The following LYPLAL1 variants were observed in gnomAD, a reference collection of about 807,000 sequenced individuals.
LYPLAL1 encodes the protein lysophospholipase like 1, also known as lysophospholipase-like protein 1.
LYPLAL1 carries 23 observed loss-of-function variants against 19.7 expected under a neutral mutation model. That is an observed-to-expected ratio of 1.17 (90% confidence interval 0.84 to 1.65). The LOEUF is 1.65. Ranked by LOEUF, LYPLAL1 falls within the 40% of genes most tolerant of loss-of-function variation. The probability of loss-of-function intolerance (pLI) is 0.00; values close to 1 mark genes in which losing one functional copy is unlikely to be tolerated. For synonymous variants in LYPLAL1, 119 were observed against 96.3 expected (o/e 1.24, Z -1.38); for missense variants, 355 against 279.4 (o/e 1.27, Z -1.93).
chr1:219,200,655 G>A (rs775132543), intron 3 of LYPLAL1: 98 of 225,092 alleles, frequency 4.4e-4, no homozygotes, highest in Middle Eastern at 2.4e-3. Context: ...CTGATGCCAC[G>A]ATCTGTCAAA....
chr1:219,178,009 T>A (rs144823303), intron 1 of LYPLAL1, among the ~76,000 whole-genome samples: 1 of 152,168 alleles, frequency 6.6e-6, no homozygotes, highest in Non-Finnish European at 1.5e-5. Context: ...CTGGGATACT[T>A]TTTTCTTCTG....
the LYPLAL1 span, among the ~76,000 whole-genome samples, chr1:219,350,533 A>G: frequency 1.3e-5 from 2 of 152,236 alleles, no homozygotes; most frequent in African/African-American, 4.8e-5. Flanking sequence ...GAATATCTAC[A>G]TTTCACTGGG....
chr1:219,375,168 T>C, the LYPLAL1 span, among the ~76,000 whole-genome samples: 2 of 152,058 alleles, frequency 1.3e-5, no homozygotes, highest in African/African-American at 4.8e-5. Flanking sequence ...AAAGCATTAC[T>C]TTGGTACGGC....
At chr1:219,225,818 C>T in the LYPLAL1 span, among the ~76,000 whole-genome samples, 1 of 152,310 alleles carries the variant, frequency 6.6e-6, no homozygotes, top group East Asian at 1.9e-4. Context: ...TGCCTCTCGT[C>T]TCCCATGTTA....
rs375844255 is a variant in LYPLAL1, at chr1:219,188,109, G to A, written c.192-4973G>A. 2.1e-3 allele frequency among the ~76,000 whole-genome samples: 318 copies of A among 151,868 alleles called. 2 individuals carry two copies. The highest frequency in any genetic ancestry group is 6.7e-3 in the African/African-American group (276 of 41,492). ...TTCCCAAGTGGCACAAATGATTACTGAAATTTATTCAGCAAATATTTAGCA... is the reference window on the plus strand; with the variant it reads ...TTCCCAAGTGGCACAAATGATTACTAAAATTTATTCAGCAAATATTTAGCA... On this transcript the variant is annotated intron_variant, in intron 2 of 4. Transcript: ENST00000366928.
intron 3 of LYPLAL1, among the ~76,000 whole-genome samples, chr1:219,197,798 T>G (rs750661148): frequency 4.6e-5 from 7 of 151,956 alleles, no homozygotes; most frequent in Non-Finnish European, 8.8e-5. Flanking sequence ...AAAACCCCAT[T>G]AAAAGGTGGG....
the LYPLAL1 span, among the ~76,000 whole-genome samples, chr1:219,440,000 T>C: frequency 0.015 from 1,598 of 103,306 alleles, 34 homozygotes; most frequent in African/African-American, 0.053. Context: ...TACACACATA[T>C]ATATATATAT....
At chr1:219,313,480 A>G in the LYPLAL1 span, among the ~76,000 whole-genome samples, 1 of 152,040 alleles carries the variant, frequency 6.6e-6, no homozygotes, top group African/African-American at 2.4e-5. Context: ...ATTCAAAAAT[A>G]AATTTTTATA....
the LYPLAL1 span, among the ~76,000 whole-genome samples, chr1:219,380,524 C>T: frequency 3.1e-4 from 47 of 152,310 alleles, no homozygotes; most frequent in African/African-American, 1.0e-3. Flanking sequence ...CAGCCTGGTG[C>T]TGGATTCGAA....
the LYPLAL1 span, among the ~76,000 whole-genome samples, chr1:219,280,867 A>G: frequency 6.6e-5 from 10 of 152,150 alleles, no homozygotes; most frequent in Non-Finnish European, 1.5e-4. Flanking sequence ...TGGCCAACAC[A>G]GCACAACCCC....
the LYPLAL1 span, among the ~76,000 whole-genome samples, chr1:219,311,502 C>T: frequency 8.0e-5 from 12 of 150,620 alleles, no homozygotes; most frequent in Middle Eastern, 3.5e-3. Flanking sequence ...GTCATTTACA[C>T]GTTGGCTTGC....
At chr1:219,306,547 A>AT in the LYPLAL1 span, among the ~76,000 whole-genome samples, 1 of 151,916 alleles carries the variant, frequency 6.6e-6, no homozygotes. Context: ...AGTTTTTTAT[A>AT]TTTTTTTCCT....
At chr1:219,368,680 C>A in the LYPLAL1 span, among the ~76,000 whole-genome samples, 1 of 152,186 alleles carries the variant, frequency 6.6e-6, no homozygotes, top group Non-Finnish European at 1.5e-5. Context: ...AGAATTGAAG[C>A]AATCGTGTGT....
chr1:219,335,053 T>C, the LYPLAL1 span, among the ~76,000 whole-genome samples: 1 of 152,000 alleles, frequency 6.6e-6, no homozygotes, highest in Non-Finnish European at 1.5e-5. Context: ...TCTCAAAACA[T>C]TTCCTCCATA....
At chr1:219,235,835 A>G in the LYPLAL1 span, among the ~76,000 whole-genome samples, 1 of 152,182 alleles carries the variant, frequency 6.6e-6, no homozygotes, top group Non-Finnish European at 1.5e-5. Context: ...AGGAGCCCAG[A>G]GAGTAAGTTG....
the LYPLAL1 span, among the ~76,000 whole-genome samples, chr1:219,218,578 G>T: frequency 6.6e-6 from 1 of 151,372 alleles, no homozygotes; most frequent in Non-Finnish European, 1.5e-5. Flanking sequence ...TCTTCTTCCA[G>T]TGTGGCCCAG....
At chr1:219,366,663 G>T in the LYPLAL1 span, among the ~76,000 whole-genome samples, 1 of 152,120 alleles carries the variant, frequency 6.6e-6, no homozygotes, top group Non-Finnish European at 1.5e-5. Context: ...TCACATTGGG[G>T]CCAAATCAAG....
At chr1:219,439,850 C>T in the LYPLAL1 span, among the ~76,000 whole-genome samples, 17 of 151,386 alleles carry the variant, frequency 1.1e-4, no homozygotes, top group African/African-American at 4.1e-4. Context: ...AAAAAGCAAT[C>T]CCTAAAGGAC....
chr1:219,244,045 A>G, the LYPLAL1 span, among the ~76,000 whole-genome samples: 1 of 152,104 alleles, frequency 6.6e-6, no homozygotes, highest in African/African-American at 2.4e-5. Flanking sequence ...AAGATCTCGG[A>G]GAGAAGCCTA....
Sources: gnomAD v4.1 joint callset for allele counts (sites outside exome capture counted in the v4.1 genomes callset) on GRCh38, gnomAD v4.1.1 for gene constraint, MANE v1.5 for transcripts, NCBI Gene and HGNC (gene_info 2026-07-23, HGNC 2026-07-21) for gene names.